CNTN5: variants seen among roughly 807,000 people sequenced by gnomAD.
The protein encoded by CNTN5 is contactin 5.
CNTN5 carries 77 observed loss-of-function variants against 129.1 expected under a neutral mutation model. The observed-to-expected ratio is 0.60, with a 90% CI of 0.50 to 0.72. CNTN5 has a LOEUF of 0.72. CNTN5 is among the 30% of genes least tolerant of loss of function. CNTN5 has a pLI of 0.00. For synonymous variants in CNTN5, 509 were observed against 465.6 expected, an observed-to-expected ratio of 1.09 and a Z score of -1.20; for missense variants, 1,478 against 1,328.8, an observed-to-expected ratio of 1.11 and a Z score of -1.75.
At chr11:99,153,132 T>G (rs2135492930) in intron 1 of CNTN5, among the ~76,000 whole-genome samples, 1 of 152,334 alleles carries the variant, frequency 6.6e-6, no homozygotes, top group South Asian at 2.1e-4. Flanking sequence ...GGGGATGGGC[T>G]TCTTGTATAG....
At chr11:100,242,568 A>G (rs940283314) in intron 16 of CNTN5, among the ~76,000 whole-genome samples, 2 of 152,176 alleles carry the variant, frequency 1.3e-5, no homozygotes, top group African/African-American at 2.4e-5. Flanking sequence ...TTACATGGCC[A>G]GAGCAGGAGT....
intron 13 of CNTN5, among the ~76,000 whole-genome samples, chr11:100,109,781 C>T (rs1237786630): frequency 2.0e-5 from 3 of 152,102 alleles, no homozygotes; most frequent in Non-Finnish European, 2.9e-5. Context: ...ATATCAATAT[C>T]GGCTTTATTC....
Position 100,070,415 on chromosome 11 carries a change from T to A in CNTN5, c.1163-9T>A. 4 of 1,610,356 alleles carry A rather than the reference T, an allele frequency of 2.5e-6. No individual in the cohort carries two copies. Among genetic ancestry groups the A allele is most frequent in the Non-Finnish European group, 3.4e-6 (4 of 1,178,010 alleles). ...AAATCATCCTTGTTTACTGCTTACA[T>A]ACTTACAGCCTACCCACACTGGGTA... is the stretch of plus-strand genomic sequence containing the variant. On this transcript the variant is annotated splice_polypyrimidine_tract_variant and intron_variant, in intron 10 of 24. Coordinates refer to ENST00000524871, the MANE Select transcript of CNTN5 (RefSeq NM_014361.4).
rs140401084 is a variant in CNTN5, at chr11:99,927,667, T to A, written c.673+11518T>A. Among the ~76,000 whole-genome samples the A allele has an allele frequency of 7.6e-3, 1,164 of 152,220 alleles. 27 individuals carry two copies. The highest frequency in any genetic ancestry group is 0.026 in the African/African-American group (1,084 of 41,524). On this transcript the variant is annotated intron_variant, in intron 7 of 24. Coordinates refer to ENST00000524871, the MANE Select transcript of CNTN5 (RefSeq NM_014361.4). ...GTCATGAGAACAGCATGAGGATAAC[T>A]GCTCTCATGATTAAATTACCTCTCA...
intron 8 of CNTN5, among the ~76,000 whole-genome samples, chr11:99,963,505 C>A (rs866167427): frequency 3.3e-5 from 5 of 152,172 alleles, no homozygotes; most frequent in Middle Eastern, 3.4e-3. Context: ...CTGTTCTGTT[C>A]TGTTGGTCTA....
rs555874793 is a variant in CNTN5, at chr11:99,199,726, A to G, written c.-209-125620A>G. 3.2e-4 allele frequency among the ~76,000 whole-genome samples: 49 copies of G among 152,304 alleles called. 1 individual carries two copies. In the South Asian group the frequency reaches 9.7e-3, roughly 30 times the overall value. On this transcript the variant is annotated intron_variant, in intron 1 of 24. Coordinates refer to ENST00000524871, the MANE Select transcript of CNTN5 (RefSeq NM_014361.4). ...AACTCACACAGTATCCTTTCCTCCA[A>G]TATTGCATTAGCCAAACAATTGGTT...
At chr11:99,190,124 T>C (rs1315692516) in intron 1 of CNTN5, among the ~76,000 whole-genome samples, 2 of 151,758 alleles carry the variant, frequency 1.3e-5, no homozygotes, top group Admixed American at 6.6e-5. Context: ...GATATCCAGC[T>C]GTCCCAACAT....
At chr11:100,091,814 T>A (rs1944798644) in intron 13 of CNTN5, among the ~76,000 whole-genome samples, 2 of 152,096 alleles carry the variant, frequency 1.3e-5, no homozygotes, top group Non-Finnish European at 2.9e-5. Flanking sequence ...GAGCCTAGAA[T>A]TATCCTTTGT....
intron 23 of CNTN5, among the ~76,000 whole-genome samples, chr11:100,349,665 A>AT (rs1309074638): frequency 6.6e-6 from 1 of 151,822 alleles, no homozygotes; most frequent in Non-Finnish European, 1.5e-5. Context: ...ATACAAAGCC[A>AT]TTTTTCTTTC....
intron 7 of CNTN5, among the ~76,000 whole-genome samples, chr11:99,947,241 C>A (rs901197207): frequency 4.8e-5 from 7 of 145,358 alleles, no homozygotes; most frequent in South Asian, 2.2e-4. Flanking sequence ...CTAAAAAAAA[C>A]CCCAGCCAAA....
chr11:99,152,807 C>G (rs917309556), intron 1 of CNTN5, among the ~76,000 whole-genome samples: 3 of 152,072 alleles, frequency 2.0e-5, no homozygotes, highest in Non-Finnish European at 4.4e-5. Context: ...AAATTTAGGA[C>G]CTTTTAAGAA....
intron 1 of CNTN5, among the ~76,000 whole-genome samples, chr11:99,275,075 G>A (rs1406460687): frequency 1.3e-5 from 2 of 150,974 alleles, no homozygotes; most frequent in Admixed American, 6.6e-5. Context: ...GTGTGTATAT[G>A]CCATAGTTAA....
intron 1 of CNTN5, among the ~76,000 whole-genome samples, chr11:99,044,988 A>C (rs1225670597): frequency 6.6e-6 from 1 of 152,134 alleles, no homozygotes; most frequent in African/African-American, 2.4e-5. Context: ...TAAAATGATA[A>C]TACTACTTAT....
chr11:100,195,690 A>G (rs550356657), intron 15 of CNTN5, among the ~76,000 whole-genome samples: 1 of 152,084 alleles, frequency 6.6e-6, no homozygotes, highest in African/African-American at 2.4e-5. Flanking sequence ...ATGCATATGT[A>G]TTTTAAAACA....
intron 13 of CNTN5, among the ~76,000 whole-genome samples, chr11:100,189,278 A>C (rs1041413326): frequency 3.3e-5 from 5 of 151,866 alleles, no homozygotes; most frequent in African/African-American, 7.3e-5. Context: ...AAAAAAAAAA[A>C]AAAAACCTTG....
intron 1 of CNTN5, among the ~76,000 whole-genome samples, chr11:99,145,290 G>A (rs767291024): frequency 6.6e-6 from 1 of 151,892 alleles, no homozygotes. Context: ...GGCTGGTCTC[G>A]AACTCCTGGA....
intron 3 of CNTN5, among the ~76,000 whole-genome samples, chr11:99,586,670 C>T (rs887961967): frequency 1.3e-4 from 19 of 151,856 alleles, no homozygotes; most frequent in Admixed American, 5.9e-4. Context: ...GATACTATAC[C>T]CTATATCATA....
chr11:99,305,244 T>A (rs191836462), intron 1 of CNTN5, among the ~76,000 whole-genome samples: 124 of 152,270 alleles, frequency 8.1e-4, no homozygotes, highest in African/African-American at 2.5e-3. Context: ...TAAAAAAGAA[T>A]ACATGAATAA....
chr11:100,135,917 G>A (rs1946508633), intron 13 of CNTN5, among the ~76,000 whole-genome samples: 1 of 152,028 alleles, frequency 6.6e-6, no homozygotes, highest in Admixed American at 6.6e-5. Flanking sequence ...TATCTCTGCT[G>A]TTCTTTGAGT....
Sources: allele counts gnomAD v4.1 joint callset (sites outside exome capture counted in the v4.1 genomes callset), GRCh38; gene constraint gnomAD v4.1.1; transcripts MANE v1.5; gene names NCBI Gene and HGNC (gene_info 2026-07-23, HGNC 2026-07-21).